Variants in SGIP1 observed in about 807,000 individuals in gnomAD.
The protein encoded by SGIP1 is SH3-containing GRB2-like protein 3-interacting protein 1.
Under a neutral mutation model 107.5 loss-of-function variants are expected in SGIP1, and 38 were observed. That is an observed-to-expected ratio of 0.35 (90% CI 0.27 to 0.46). SGIP1 has a LOEUF of 0.46. SGIP1 is among the 20% of genes least tolerant of loss of function. SGIP1 has a pLI of 1.00. For synonymous variants in SGIP1, 365 were observed against 366.1 expected, an observed-to-expected ratio of 1.00 and a Z score of 0.03; for missense variants, 929 against 1,019.5, an observed-to-expected ratio of 0.91 and a Z score of 1.21.
chr1:66,678,748 A>G (rs1415022990), intron 13 of SGIP1, among the ~76,000 whole-genome samples: 2 of 152,180 alleles, frequency 1.3e-5, no homozygotes, highest in African/African-American at 4.8e-5. Flanking sequence ...AATGACAGAA[A>G]AAGCTTCTTC....
At chr1:66,673,181 A>C in intron 11 of SGIP1, 100 bp from the exon 12 acceptor site, 2 of 1,215,596 alleles carry the variant, frequency 1.6e-6, no homozygotes, top group Admixed American at 1.7e-5. Flanking sequence ...GCACACACAC[A>C]CTTGTTTCAC....
chr1:66,566,182 T>C (rs1442730355), intron 1 of SGIP1, among the ~76,000 whole-genome samples: 2 of 151,968 alleles, frequency 1.3e-5, no homozygotes, highest in African/African-American at 4.8e-5. Context: ...CAGGGTGGTT[T>C]CCCTAGCGGT....
At chr1:66,708,906 A>G (rs566191729) in intron 18 of SGIP1, among the ~76,000 whole-genome samples, 2 of 152,300 alleles carry the variant, frequency 1.3e-5, no homozygotes, top group Admixed American at 1.3e-4. Context: ...TCTCAGTTCT[A>G]CGCTATGAGA....
intron 19 of SGIP1, among the ~76,000 whole-genome samples, chr1:66,728,910 A>G (rs1232788486): frequency 6.6e-6 from 1 of 152,148 alleles, no homozygotes; most frequent in Admixed American, 6.6e-5. Context: ...TAATGAGAAC[A>G]TGTTGACAGA....
At chr1:66,677,947 T>C (rs926102931) in intron 13 of SGIP1, among the ~76,000 whole-genome samples, 1 of 152,178 alleles carries the variant, frequency 6.6e-6, no homozygotes, top group Non-Finnish European at 1.5e-5. Flanking sequence ...CTAAAGGTGA[T>C]CATGAGAATT....
intron 17 of SGIP1, among the ~76,000 whole-genome samples, chr1:66,693,953 C>CT (rs935501352): frequency 1.3e-5 from 2 of 152,194 alleles, no homozygotes; most frequent in Admixed American, 6.5e-5. Context: ...TATACTGTTG[C>CT]TTTTTTATGG....
At chr1:66,626,583 T>C (rs932529879) in intron 2 of SGIP1, among the ~76,000 whole-genome samples, 2 of 152,186 alleles carry the variant, frequency 1.3e-5, no homozygotes, top group South Asian at 2.1e-4. Context: ...TTCCACTTAT[T>C]TGACCATCTT....
intron 19 of SGIP1, among the ~76,000 whole-genome samples, chr1:66,722,077 C>T (rs1004384037): frequency 3.9e-5 from 6 of 152,092 alleles, no homozygotes; most frequent in Non-Finnish European, 4.4e-5. Flanking sequence ...TATCCCTGAC[C>T]GTGCCTCCAA....
chr1:66,630,833 A>AGAGAGAG (rs2074160924), intron 2 of SGIP1, among the ~76,000 whole-genome samples: 5 of 11,322 alleles, frequency 4.4e-4, no homozygotes, highest in African/African-American at 1.9e-3. Flanking sequence ...GAAAGAAAGA[A>AGAGAGAG]AGAAAGAAAG....
chr1:66,589,181 TATATATATATATATATA>T (rs1179906921), intron 1 of SGIP1, among the ~76,000 whole-genome samples: 1 of 40,178 alleles, frequency 2.5e-5, no homozygotes, highest in African/African-American at 1.6e-4. Context: ...TATATATATA[TATATATATATATATATA>T]TATATATATA....
At position 66,658,070 on chromosome 1, in the gene SGIP1, G is replaced by A. The variant is rs201895972; in HGVS notation, c.460-2443G>A. Among the ~76,000 whole-genome samples, 4 of 152,184 alleles carry A rather than the reference G, an allele frequency of 2.6e-5. No individual in the cohort carries two copies. In the East Asian group the frequency reaches 7.7e-4, roughly 29 times the overall value. ...TGGTTTAATATATGCGGTAGCCTGA[G>A]GTGGAGAGATGTAGAGGAGGGGAGG... On this transcript the variant is annotated intron_variant, in intron 7 of 24. Coordinates refer to ENST00000371037, the MANE Select transcript of SGIP1 (RefSeq NM_032291.4).
At chr1:66,694,535 C>A (rs776375473) in intron 17 of SGIP1, 62 of 1,527,860 alleles carry the variant, frequency 4.1e-5, no homozygotes, top group Non-Finnish European at 5.3e-5. Flanking sequence ...TCTCTAGAGA[C>A]CTAGATTCCA....
chr1:66,643,530 T>C lies in SGIP1; in HGVS notation c.284-14T>C, dbSNP rs1251279479. 6.2e-7 allele frequency: 1 copy of C among 1,600,132 alleles called. No homozygotes were observed. The highest frequency in any genetic ancestry group is 1.7e-5 in the Admixed American group (1 of 57,420). The stretch of plus-strand genomic sequence containing the variant: ...AGTAGAAGAAAGAGTTATGTATCTT[T>C]AACTGTGTTCTACCTACCAAAGGAA... On this transcript the variant is annotated splice_polypyrimidine_tract_variant and intron_variant, in intron 6 of 24. Coordinates refer to ENST00000371037, the MANE Select transcript of SGIP1 (RefSeq NM_032291.4).
intron 8 of SGIP1, among the ~76,000 whole-genome samples, chr1:66,661,376 T>TA (rs1164942102): frequency 6.6e-6 from 1 of 152,170 alleles, no homozygotes; most frequent in African/African-American, 2.4e-5. Context: ...TTTCACCTCT[T>TA]ATGCTTCCCG....
intron 7 of SGIP1, among the ~76,000 whole-genome samples, chr1:66,652,569 G>A (rs1286427902): frequency 6.6e-6 from 1 of 152,116 alleles, no homozygotes; most frequent in African/African-American, 2.4e-5. Context: ...TGAGGAGGGG[G>A]AAATAGCTTT....
intron 18 of SGIP1, among the ~76,000 whole-genome samples, chr1:66,712,588 A>G (rs950129507): frequency 6.6e-6 from 1 of 151,540 alleles, no homozygotes; most frequent in African/African-American, 2.4e-5. Flanking sequence ...TTTTTTTTCT[A>G]ATTTTTTCTT....
chr1:66,577,401 G>A (rs1164174157), intron 1 of SGIP1, among the ~76,000 whole-genome samples: 4 of 152,030 alleles, frequency 2.6e-5, no homozygotes, highest in East Asian at 3.9e-4. Flanking sequence ...TTTAATTTAC[G>A]TGTGTCTCGG....
chr1:66,642,160 G>A (rs1188392688), intron 5 of SGIP1, among the ~76,000 whole-genome samples: 2 of 152,138 alleles, frequency 1.3e-5, no homozygotes, highest in South Asian at 2.1e-4. Context: ...CCCCTGGCCT[G>A]TTGGCCTCCG....
At chr1:66,605,361 C>T (rs1279530954) in intron 1 of SGIP1, among the ~76,000 whole-genome samples, 2 of 151,996 alleles carry the variant, frequency 1.3e-5, no homozygotes, top group South Asian at 4.2e-4. Flanking sequence ...CTTACCTTAC[C>T]CCAGGTACCT....
Sources: allele counts gnomAD v4.1 joint callset (sites outside exome capture counted in the v4.1 genomes callset), GRCh38; gene constraint gnomAD v4.1.1; transcripts MANE v1.5; gene names NCBI Gene and HGNC (gene_info 2026-07-23, HGNC 2026-07-21).